CKAP5: variants seen among roughly 807,000 people sequenced by gnomAD.
CKAP5 encodes cytoskeleton associated protein 5.
In CKAP5, 27 loss-of-function variants were observed where a neutral mutation model predicts 232.8. The observed-to-expected ratio is 0.12, with a 90% CI of 0.09 to 0.16. The LOEUF is 0.16. CKAP5 is among the 10% of genes least tolerant of loss of function. The probability of loss-of-function intolerance (pLI) is 1.00; values close to 1 mark genes in which losing one functional copy is unlikely to be tolerated. For synonymous variants in CKAP5, 785 were observed against 841.1 expected, an observed-to-expected ratio of 0.93 and a Z score of 1.16; for missense variants, 1,838 against 2,424.7, an observed-to-expected ratio of 0.76 and a Z score of 5.08.
chr11:46,798,734 C>T (rs1382717626), intron 9 of CKAP5, among the ~76,000 whole-genome samples: 1 of 151,980 alleles, frequency 6.6e-6, no homozygotes, highest in African/African-American at 2.4e-5. Context: ...CAAGGGGTTT[C>T]TTTTTGGGGT....
At chr11:46,828,747 C>T (rs553817921) in intron 1 of CKAP5, among the ~76,000 whole-genome samples, 2 of 152,162 alleles carry the variant, frequency 1.3e-5, no homozygotes, top group African/African-American at 2.4e-5. Flanking sequence ...AATCTACTAA[C>T]AGTCACAAAA....
Position 46,770,065 on chromosome 11 carries a change from C to T in CKAP5, c.3220G>A (p.Glu1074Lys). 6.2e-7 allele frequency: 1 copy of T among 1,614,068 alleles called. No homozygotes were observed. The highest frequency in any genetic ancestry group is 8.5e-7 in the Non-Finnish European group (1 of 1,179,972). Reference protein sequence around the residue: ...TSKDQVLAMLEKAKVNMPAKP... With the variant: ...TSKDQVLAMLKKAKVNMPAKP... ...GCTGGCATGTTAACTTTGGCTTTCT[C>T]TAGCATGGCCAATACCTGATCTTTA... The change falls in exon 26 of 44, where the codon GAG becomes AAG. Residue 1074 changes from glutamate (E) to lysine (K), a missense_variant. Around this residue, in one of 6 missense-constraint regions of CKAP5, gnomAD observed 767 missense variants for 954.6 expected, o/e 0.80. Coordinates refer to ENST00000529230, the MANE Select transcript of CKAP5 (RefSeq NM_001008938.4).
At chr11:46,750,760 G>A (rs769157122) in intron 40 of CKAP5, 149 bp from the exon 41 acceptor site, 5 of 652,296 alleles carry the variant, frequency 7.7e-6, no homozygotes, top group African/African-American at 1.8e-5. Flanking sequence ...TGCAGGTCTT[G>A]CAGCAGAAGC....
intron 8 of CKAP5, among the ~76,000 whole-genome samples, chr11:46,806,944 T>C (rs1032138578): frequency 6.6e-6 from 1 of 152,236 alleles, no homozygotes; most frequent in African/African-American, 2.4e-5. Flanking sequence ...GCCATGTTTT[T>C]GCATTTTTGT....
chr11:46,749,724 C>G (rs375136242), intron 42 of CKAP5, among the ~76,000 whole-genome samples: 1 of 151,410 alleles, frequency 6.6e-6, no homozygotes, highest in African/African-American at 2.4e-5. Context: ...GAGGCTGAGG[C>G]GGGCGGATCA....
intron 17 of CKAP5, among the ~76,000 whole-genome samples, chr11:46,784,239 G>T (rs529186434): frequency 6.6e-6 from 1 of 151,788 alleles, no homozygotes; most frequent in African/African-American, 2.4e-5. Context: ...GTGGTGGCAG[G>T]TGCCTGTAAT....
chr11:46,828,522 T>A (rs956690589), intron 1 of CKAP5, among the ~76,000 whole-genome samples: 2 of 152,220 alleles, frequency 1.3e-5, no homozygotes, highest in Non-Finnish European at 2.9e-5. Flanking sequence ...ATTATCTTTT[T>A]CTTCCAATGT....
At chr11:46,780,773 C>A (rs2065335236) in intron 18 of CKAP5, among the ~76,000 whole-genome samples, 2 of 152,146 alleles carry the variant, frequency 1.3e-5, no homozygotes, top group Admixed American at 1.3e-4. Flanking sequence ...TAACACCATG[C>A]CCAGCTAATT....
chr11:46,764,568 A>G (rs1268224193), intron 28 of CKAP5, among the ~76,000 whole-genome samples: 1 of 152,252 alleles, frequency 6.6e-6, no homozygotes, highest in Non-Finnish European at 1.5e-5. Context: ...GGAGGGCTAT[A>G]TAAAAATATA....
intron 38 of CKAP5, among the ~76,000 whole-genome samples, chr11:46,752,161 C>CATACATATATATATATATAT (rs2065069262): frequency 1.1e-5 from 1 of 88,844 alleles, no homozygotes. Flanking sequence ...AAGACCAATT[C>CATACATATATATATATATAT]ATATATATAT....
chr11:46,750,847 C>A (rs2065059095), intron 40 of CKAP5, among the ~76,000 whole-genome samples: 1 of 152,226 alleles, frequency 6.6e-6, no homozygotes, highest in Admixed American at 6.5e-5. Flanking sequence ...CTGACATATT[C>A]TTTCCATGTT....
intron 20 of CKAP5, among the ~76,000 whole-genome samples, chr11:46,778,904 G>A (rs1244754662): frequency 6.6e-6 from 1 of 152,002 alleles, no homozygotes; most frequent in Non-Finnish European, 1.5e-5. Flanking sequence ...GTGAAACCTC[G>A]TCTATACTAA....
intron 8 of CKAP5, among the ~76,000 whole-genome samples, chr11:46,804,265 T>C (rs1939102707): frequency 6.6e-6 from 1 of 152,200 alleles, no homozygotes. Context: ...GATACCCTAA[T>C]ATAATACCTG....
intron 4 of CKAP5, among the ~76,000 whole-genome samples, chr11:46,812,017 G>A (rs966991569): frequency 1.3e-5 from 2 of 152,082 alleles, no homozygotes; most frequent in East Asian, 1.9e-4. Flanking sequence ...TGGGGAAAAT[G>A]TTGCATTTTG....
chr11:46,778,126 A>C lies in CKAP5; in HGVS notation c.2748+13T>G. 1 of 1,610,596 alleles carries C rather than the reference A, an allele frequency of 6.2e-7. No individual in the cohort carries two copies. Among genetic ancestry groups the C allele is most frequent in the Non-Finnish European group, 8.5e-7 (1 of 1,177,992 alleles). ...GAGGGGAGATAAAAAGAACAGCCGT[A>C]TGCTCTACATACCAAGATTTTATTT... On this transcript the variant is annotated intron_variant, in intron 22 of 43. Coordinates refer to ENST00000529230, the MANE Select transcript of CKAP5 (RefSeq NM_001008938.4).
At chr11:46,804,504 T>C (rs990923317) in intron 8 of CKAP5, among the ~76,000 whole-genome samples, 16 of 152,166 alleles carry the variant, frequency 1.1e-4, no homozygotes, top group Non-Finnish European at 1.6e-4. Flanking sequence ...ATTTAAACAA[T>C]AGGAAATCTT....
At chr11:46,762,302 C>A (rs2065162073) in intron 31 of CKAP5, 109 bp from the exon 32 acceptor site, 5 of 1,148,196 alleles carry the variant, frequency 4.4e-6, no homozygotes, top group Non-Finnish European at 5.1e-6. Flanking sequence ...AAACCTTACT[C>A]TGGCTCTGCC....
At chr11:46,764,184 C>T (rs2065181703) in intron 28 of CKAP5, among the ~76,000 whole-genome samples, 1 of 152,006 alleles carries the variant, frequency 6.6e-6, no homozygotes, top group Non-Finnish European at 1.5e-5. Context: ...CTACATATAA[C>T]TATATAACAT....
chr11:46,830,245 T>A (rs1939749976), intron 1 of CKAP5, among the ~76,000 whole-genome samples: 1 of 151,608 alleles, frequency 6.6e-6, no homozygotes, highest in Admixed American at 6.6e-5. Context: ...GTCGAAACCA[T>A]CCTGGCTAAC....
Sources: gnomAD v4.1 joint callset for allele counts (sites outside exome capture counted in the v4.1 genomes callset) on GRCh38, gnomAD v4.1.1 for gene constraint, gnomAD v4.1.1 regional missense constraint, MANE v1.5 for transcripts, NCBI Gene and HGNC (gene_info 2026-07-23, HGNC 2026-07-21) for gene names.